Variants in AQR observed in about 807,000 individuals in gnomAD.
AQR encodes the protein aquarius intron-binding spliceosomal factor, also known as RNA helicase aquarius.
In AQR, 61 loss-of-function variants were observed where a neutral mutation model predicts 180.5. The observed-to-expected ratio is 0.34, with a 90% CI of 0.28 to 0.42. The LOEUF is 0.42. AQR is among the 10% of genes least tolerant of loss of function. The pLI is 1.00. For missense variants in AQR, 1,281 were observed against 1,798.3 expected (o/e 0.71, Z 5.20); for synonymous variants, 551 against 588.8 (o/e 0.94, Z 0.93).
In AQR at chr15:34,865,377, A is replaced by G. The variant is rs550863348; in HGVS notation, c.3854+2147T>C. Reference sequence around the variant, plus strand: ...TACTCTGGCTACTAAACAGCTCCACATTGTCCTAAAACAGGCCTCTGGAAC... The same window carrying G: ...TACTCTGGCTACTAAACAGCTCCACGTTGTCCTAAAACAGGCCTCTGGAAC... On this transcript the variant is annotated intron_variant, in intron 32 of 34. Transcript: ENST00000156471. 2.0e-4 allele frequency among the ~76,000 whole-genome samples: 30 copies of G among 152,268 alleles called. No individual in the cohort carries two copies. The East Asian group carries it at 2.3e-3, about 12-fold the overall frequency.
intron 13 of AQR, among the ~76,000 whole-genome samples, chr15:34,922,877 C>T (rs546325222): frequency 1.7e-4 from 26 of 152,038 alleles, no homozygotes; most frequent in African/African-American, 5.8e-4. Context: ...TTTGCATTTC[C>T]CCAATGACTA....
chr15:34,893,608 C>T (rs1595788698), intron 23 of AQR, 55 bp downstream of exon 23: 6 of 349,314 alleles, frequency 1.7e-5, no homozygotes, highest in South Asian at 4.2e-5. Flanking sequence ...CGCATGCGTG[C>T]ACACACACAC....
chr15:34,872,054 C>T (rs553756533), intron 30 of AQR, among the ~76,000 whole-genome samples: 1 of 151,530 alleles, frequency 6.6e-6, no homozygotes, highest in Non-Finnish European at 1.5e-5. Context: ...TTCTTTGTGA[C>T]GCACAGCTTG....
rs1892550395 is a variant in AQR, at chr15:34,853,950, T to C, written c.*2842A>G. The C allele has an allele frequency of 6.6e-6, 1 of 152,188 alleles. No individual in the cohort carries two copies. The highest frequency in any genetic ancestry group is 1.9e-4 in the East Asian group (1 of 5,196). The allele number at this position is 152,188 out of a possible 1,614,324, so 9.4% of individuals were successfully genotyped here. ...TGTTTTATAATATCTTGCTGTCTCT[T>C]GATCATTACAAAATTTCATTTGTTT... is the stretch of plus-strand genomic sequence containing the variant. On this transcript the variant is annotated 3_prime_UTR_variant, in exon 35 of 35. Transcript: ENST00000156471.
At chr15:34,889,345 A>T (rs185092250) in intron 24 of AQR, among the ~76,000 whole-genome samples, 175 of 152,362 alleles carry the variant, frequency 1.1e-3, no homozygotes, top group Admixed American at 1.8e-3. Context: ...AGATGCACAT[A>T]ATAATTTAAA....
intron 2 of AQR, among the ~76,000 whole-genome samples, chr15:34,961,662 C>CA (rs60598508): frequency 0.024 from 2,659 of 112,730 alleles, 95 homozygotes; most frequent in African/African-American, 0.08. Context: ...CTGTACATCT[C>CA]AAAAAAAAAA....
At chr15:34,955,638 T>A (rs1198871345) in intron 3 of AQR, among the ~76,000 whole-genome samples, 1 of 152,192 alleles carries the variant, frequency 6.6e-6, no homozygotes, top group Non-Finnish European at 1.5e-5. Context: ...CCAGGCACAG[T>A]GGCTCACGTC....
chr15:34,966,074 G>T (rs768317790), intron 1 of AQR, among the ~76,000 whole-genome samples: 21 of 152,008 alleles, frequency 1.4e-4, no homozygotes, highest in Non-Finnish European at 2.4e-4. Flanking sequence ...AAACTCTCTA[G>T]TCTCATGTAA....
intron 7 of AQR, 60 bp from the exon 8 acceptor site, chr15:34,941,059 T>C: frequency 1.7e-6 from 2 of 1,171,946 alleles, no homozygotes; most frequent in South Asian, 2.8e-5. Flanking sequence ...GGATAAGGAT[T>C]AGATCAACTA....
rs1892521382 is a variant in AQR, at chr15:34,852,125, T to C, written c.*4667A>G. ...ATCTTTAAAGGGCGATTCACAGTTC[T>C]AGCCAATGTAAAGATATTGGTTCCC... On this transcript the variant is annotated 3_prime_UTR_variant, in exon 35 of 35. Coordinates refer to ENST00000156471, the MANE Select transcript of AQR (RefSeq NM_014691.3). 2 of 152,100 alleles carry C rather than the reference T, an allele frequency of 1.3e-5. No individual in the cohort carries two copies. The highest frequency in any genetic ancestry group is 2.9e-5 in the Non-Finnish European group (2 of 68,012). The allele number at this position is 152,100 out of a possible 1,614,324, so 9.4% of individuals were successfully genotyped here.
chr15:34,884,646 G>A lies in AQR; in HGVS notation c.2906C>T (p.Pro969Leu). The A allele has an allele frequency of 6.2e-7, 1 of 1,612,204 alleles. No homozygotes were observed. Among genetic ancestry groups the A allele is most frequent in the Non-Finnish European group, 8.5e-7 (1 of 1,179,462 alleles). ...AGCATTTGCAAAGTATTCATGGAAA[G>A]GGAAGAAAGTGGAGACTTCCGTAAC... ...PDVTEVSTFF[P>L]FHEYFANAPQ... Residue 969 changes from proline (P) to leucine (L), a missense_variant, in exon 26 of 35, where the codon CCT becomes CTT. By Grantham distance (98) the Pro-to-Leu change is moderately conservative. Around this residue, in one of 9 missense-constraint regions of AQR, gnomAD observed 125 missense variants for 185.0 expected, o/e 0.68. Transcript: ENST00000156471.
Position 34,904,339 on chromosome 15 carries a change from A to G in AQR, c.1998T>C (p.Phe666=), listed in dbSNP as rs1893379018. 1 of 1,580,376 alleles carries G rather than the reference A, an allele frequency of 6.3e-7. No homozygotes were observed. Among genetic ancestry groups the G allele is most frequent in the African/African-American group, 1.4e-5 (1 of 73,644 alleles). The change falls in exon 19 of 35, where the codon TTT becomes TTC. Residue 666 remains phenylalanine, a synonymous_variant. Coordinates refer to ENST00000156471, the MANE Select transcript of AQR (RefSeq NM_014691.3). ...IMRRKPKENN[F]KAVLETIRNL... ...TAGTTACATACCCCCAAATTACCTT[A>G]AAGTTATTTTCCTTTGGTTTTCTCC...
At chr15:34,933,734 G>C (rs765527726) in intron 10 of AQR, among the ~76,000 whole-genome samples, 4 of 152,170 alleles carry the variant, frequency 2.6e-5, no homozygotes, top group Non-Finnish European at 5.9e-5. Flanking sequence ...TTGAAAACCT[G>C]AAGGGCCAAT....
At chr15:34,911,300 A>G (rs546960022) in intron 16 of AQR, among the ~76,000 whole-genome samples, 1 of 152,284 alleles carries the variant, frequency 6.6e-6, no homozygotes, top group South Asian at 2.1e-4. Flanking sequence ...CCTTTGGATA[A>G]ACATTCAGAA....
intron 9 of AQR, among the ~76,000 whole-genome samples, chr15:34,936,508 G>A (rs1046608494): frequency 6.6e-6 from 1 of 152,110 alleles, no homozygotes; most frequent in Admixed American, 6.6e-5. Flanking sequence ...TTGAGGTCAG[G>A]AGTTCAAGAC....
intron 34 of AQR, among the ~76,000 whole-genome samples, chr15:34,859,631 T>C (rs1198195393): frequency 6.6e-6 from 1 of 152,136 alleles, no homozygotes; most frequent in African/African-American, 2.4e-5. Flanking sequence ...TCCATTTATA[T>C]AAAAATCTAG....
intron 23 of AQR, among the ~76,000 whole-genome samples, chr15:34,893,141 C>G (rs1332378051): frequency 2.6e-5 from 4 of 152,172 alleles, no homozygotes. Flanking sequence ...AAAAAGTTTT[C>G]TCAGCAAGGC....
At chr15:34,933,447 A>G (rs1422304676) in intron 10 of AQR, among the ~76,000 whole-genome samples, 1 of 143,970 alleles carries the variant, frequency 6.9e-6, no homozygotes, top group Non-Finnish European at 1.5e-5. Flanking sequence ...CCTGCACCTA[A>G]GAGTATGAAA....
At chr15:34,931,875 T>G (rs955849144) in intron 11 of AQR, among the ~76,000 whole-genome samples, 3 of 152,176 alleles carry the variant, frequency 2.0e-5, no homozygotes, top group Non-Finnish European at 4.4e-5. Flanking sequence ...ACAGGAAATG[T>G]AAAATACTGT....
Sources: allele counts gnomAD v4.1 joint callset (sites outside exome capture counted in the v4.1 genomes callset), GRCh38; gene constraint gnomAD v4.1.1; regional missense constraint gnomAD v4.1.1; transcripts MANE v1.5; gene names NCBI Gene and HGNC (gene_info 2026-07-23, HGNC 2026-07-21).